PPP1R12A: variants seen among roughly 807,000 people sequenced by gnomAD.
PPP1R12A encodes the protein myosin binding subunit.
PPP1R12A carries 19 observed loss-of-function variants against 139.6 expected under a neutral mutation model. The ratio of observed to expected loss-of-function variants is 0.14; its 90% CI spans 0.09 to 0.20. PPP1R12A has a LOEUF of 0.20. Among genes scored for constraint, PPP1R12A ranks in the 10% least tolerant of loss-of-function variants. The pLI is 1.00. For missense variants in PPP1R12A, 925 were observed against 1,211.5 expected, an observed-to-expected ratio of 0.76 and a Z score of 3.51; for synonymous variants, 427 against 420.6, an observed-to-expected ratio of 1.02 and a Z score of -0.19.
chr12:79,902,390 A>T (rs1212222591), intron 1 of PPP1R12A, among the ~76,000 whole-genome samples: 1 of 152,058 alleles, frequency 6.6e-6, no homozygotes, highest in Non-Finnish European at 1.5e-5. Context: ...CCCACAATAA[A>T]TTGGTCCAAT....
intron 1 of PPP1R12A, among the ~76,000 whole-genome samples, chr12:79,884,709 T>C (rs1883951192): frequency 6.6e-6 from 1 of 152,190 alleles, no homozygotes; most frequent in African/African-American, 2.4e-5. Flanking sequence ...TTATCTGACA[T>C]GGTTTACCTT....
At position 79,797,297 on chromosome 12, in the gene PPP1R12A, CTCTTTTTCT is replaced by C. The variant is rs755892634; in HGVS notation, c.2181_2189del (p.Glu731_Glu733del). 11 of 1,590,718 alleles carry C rather than the reference CTCTTTTTCT, an allele frequency of 6.9e-6. No homozygotes were observed. Among genetic ancestry groups the C allele is most frequent in the Non-Finnish European group, 9.4e-6 (11 of 1,167,058 alleles). ...TCTCTTTATCTTGTTTCTCTTTTTC[CTCTTTTTCT>C]TTTTCTTCATTTTCTTGTTCTCTGG... On this transcript the variant is annotated inframe_deletion, in exon 16 of 25. Transcript: ENST00000450142.
intron 21 of PPP1R12A, chr12:79,786,946 C>T (rs7976997): frequency 0.78 from 119,375 of 152,146 alleles, 49,317 homozygotes; most frequent in Non-Finnish European, 0.92. Context: ...AGGCAAATGA[C>T]GTATTTCCTG....
intron 21 of PPP1R12A, 86 bp downstream of exon 21, chr12:79,788,562 A>C (rs1456375471): frequency 8.0e-7 from 1 of 1,252,362 alleles, no homozygotes; most frequent in Non-Finnish European, 1.1e-6. Context: ...TACTCATTTC[A>C]TTATGAGTTT....
In PPP1R12A at chr12:79,899,231, AAAATATAT is replaced by A. The variant is rs1885403247; in HGVS notation, c.238-26301_238-26294del. 2.4e-5 allele frequency among the ~76,000 whole-genome samples: 3 copies of A among 122,708 alleles called. No homozygotes were observed. The East Asian group carries it at 7.7e-4, about 32-fold the overall frequency. 80.5% of individuals were successfully genotyped at this position (122,708 alleles called of 152,430 possible). A position where few individuals can be genotyped will look rare whatever the true frequency, so the allele number is the denominator to read the frequency against. The stretch of plus-strand genomic sequence containing the variant: ...GATACAATGAAATGCAGAGATCTTA[AAAATATAT>A]ATATATATATATATATATATATATA... On this transcript the variant is annotated intron_variant, in intron 1 of 24. Transcript: ENST00000450142.
chr12:79,791,644 C>G (rs895376701), intron 19 of PPP1R12A, among the ~76,000 whole-genome samples: 1 of 152,136 alleles, frequency 6.6e-6, no homozygotes, highest in African/African-American at 2.4e-5. Context: ...TATTTAAAAA[C>G]TTTTAAGAAT....
intron 9 of PPP1R12A, among the ~76,000 whole-genome samples, chr12:79,810,551 T>C (rs933759628): frequency 2.6e-5 from 4 of 152,004 alleles, no homozygotes; most frequent in Admixed American, 1.3e-4. Context: ...GAGACAAAGA[T>C]TGAAAGCATG....
At chr12:79,870,692 G>A (rs1882479651) in intron 2 of PPP1R12A, among the ~76,000 whole-genome samples, 1 of 152,150 alleles carries the variant, frequency 6.6e-6, no homozygotes, top group African/African-American at 2.4e-5. Flanking sequence ...GTTTGCACAA[G>A]TCCTGTAAAG....
Position 79,821,087 on chromosome 12 carries a change from G to A in PPP1R12A, c.947C>T (p.Thr316Ile). Reference protein sequence around the residue: ...ANMDNNQSQKTFKNKETLIIE... With the variant: ...ANMDNNQSQKIFKNKETLIIE... ...TGAATATTTTACTCACTTTTTAAAG[G>A]TCTTCTGTGACTGATTATTGTCCAT... The change falls in exon 7 of 25, where the codon ACC becomes ATC. Residue 316 changes from threonine (T) to isoleucine (I), a missense_variant. By Grantham distance (89) the Thr-to-Ile change is moderately conservative. Around this residue, in one of 4 missense-constraint regions of PPP1R12A, gnomAD observed 403 missense variants for 463.7 expected, o/e 0.87. Coordinates refer to ENST00000450142, the MANE Select transcript of PPP1R12A (RefSeq NM_002480.3). 1 of 1,610,374 alleles carries A rather than the reference G, an allele frequency of 6.2e-7. No homozygotes were observed. Among genetic ancestry groups the A allele is most frequent in the Non-Finnish European group, 8.5e-7 (1 of 1,177,488 alleles).
chr12:79,778,834 T>C (rs1021273404), intron 23 of PPP1R12A: 2 of 332,878 alleles, frequency 6.0e-6, no homozygotes, highest in Non-Finnish European at 1.1e-5. Context: ...TCTGGGAAGA[T>C]GCTACATAAC....
chr12:79,807,992 C>T (rs889207348), intron 11 of PPP1R12A, among the ~76,000 whole-genome samples: 6 of 151,482 alleles, frequency 4.0e-5, no homozygotes, highest in East Asian at 1.9e-4. Flanking sequence ...GCCGAGATTG[C>T]GCCACTGCAC....
intron 23 of PPP1R12A, 57 bp downstream of exon 23, chr12:79,781,758 A>G (rs1362627918): frequency 9.6e-7 from 1 of 1,045,008 alleles, no homozygotes; most frequent in East Asian, 2.7e-5. Context: ...AAAACCTACC[A>G]TTGTTTACCT....
intron 18 of PPP1R12A, among the ~76,000 whole-genome samples, chr12:79,794,481 T>C (rs1872263685): frequency 6.6e-6 from 1 of 151,982 alleles, no homozygotes; most frequent in Admixed American, 6.6e-5. Flanking sequence ...ATTTGTTTCA[T>C]GTAATTAAGT....
chr12:79,921,408 G>C (rs1223545916), intron 1 of PPP1R12A, among the ~76,000 whole-genome samples: 2 of 152,018 alleles, frequency 1.3e-5, no homozygotes, highest in African/African-American at 2.4e-5. Context: ...CTGACAAAAA[G>C]GTACACTAAA....
intron 1 of PPP1R12A, among the ~76,000 whole-genome samples, chr12:79,922,742 C>CA (rs2136950203): frequency 6.6e-6 from 1 of 152,170 alleles, no homozygotes; most frequent in South Asian, 2.1e-4. Context: ...GCATGCAGGG[C>CA]TTAAAACCTA....
At chr12:79,780,783 T>G (rs1485229503) in intron 23 of PPP1R12A, 1 of 152,162 alleles carries the variant, frequency 6.6e-6, no homozygotes. Context: ...TAGCAATTAT[T>G]ATGTCCATTT....
intron 14 of PPP1R12A, among the ~76,000 whole-genome samples, chr12:79,803,149 C>T (rs1873399215): frequency 6.6e-6 from 1 of 152,160 alleles, no homozygotes; most frequent in Non-Finnish European, 1.5e-5. Flanking sequence ...ATATGACATT[C>T]ATCCCAAATT....
intron 12 of PPP1R12A, 89 bp from the exon 13 acceptor site, chr12:79,806,422 A>G: frequency 7.9e-7 from 1 of 1,262,832 alleles, no homozygotes; most frequent in Non-Finnish European, 1.1e-6. Context: ...ACAAGGCTAG[A>G]AAAAAAATTT....
chr12:79,848,332 A>C (rs1299956138), intron 2 of PPP1R12A, among the ~76,000 whole-genome samples: 2 of 152,200 alleles, frequency 1.3e-5, no homozygotes, highest in African/African-American at 4.8e-5. Flanking sequence ...AGAATATGTA[A>C]TTATTCTCCT....
Sources: allele counts gnomAD v4.1 joint callset (sites outside exome capture counted in the v4.1 genomes callset), GRCh38; gene constraint gnomAD v4.1.1; regional missense constraint gnomAD v4.1.1; transcripts MANE v1.5; gene names NCBI Gene and HGNC (gene_info 2026-07-23, HGNC 2026-07-21).